Variants in SYNE1 observed in about 807,000 individuals in gnomAD.
SYNE1 encodes spectrin repeat containing nuclear envelope protein 1, also known as nesprin-1.
SYNE1 carries 616 observed loss-of-function variants against 1,111.0 expected under a neutral mutation model. The observed-to-expected ratio is 0.55, with a 90% CI of 0.52 to 0.59. The LOEUF (loss-of-function observed/expected upper bound fraction) is 0.59. Ranked by LOEUF, SYNE1 falls within the 20% of genes least tolerant of loss-of-function variation. SYNE1 has a pLI of 0.00. For missense variants in SYNE1, 10,006 were observed against 10,417.0 expected (o/e 0.96, Z 1.72); for synonymous variants, 3,855 against 3,825.8 (o/e 1.01, Z -0.28).
chr6:152,298,072 A>G (rs2094976786), intron 93 of SYNE1, among the ~76,000 whole-genome samples: 1 of 152,198 alleles, frequency 6.6e-6, no homozygotes, highest in Non-Finnish European at 1.5e-5. Context: ...TTATGAGTAG[A>G]TTCCTAAGGA....
intron 20 of SYNE1, chr6:152,462,523 A>G: frequency 1.6e-6 from 1 of 612,140 alleles, no homozygotes; most frequent in South Asian, 2.2e-5. Flanking sequence ...AAATCTCCAA[A>G]CTGAGAAACA....
intron 4 of SYNE1, among the ~76,000 whole-genome samples, chr6:152,530,902 C>T (rs1412211224): frequency 2.0e-5 from 3 of 152,088 alleles, no homozygotes; most frequent in Non-Finnish European, 2.9e-5. Flanking sequence ...GGATTACAGG[C>T]GTGAGCCACC....
chr6:152,271,794 G>A (rs1214668141), intron 98 of SYNE1, among the ~76,000 whole-genome samples: 2 of 152,222 alleles, frequency 1.3e-5, no homozygotes, highest in African/African-American at 4.8e-5. Context: ...CCCCATCAGA[G>A]CTGCTCCAGC....
At chr6:152,529,530 T>G (rs2099185618) in intron 4 of SYNE1, among the ~76,000 whole-genome samples, 1 of 152,178 alleles carries the variant, frequency 6.6e-6, no homozygotes, top group African/African-American at 2.4e-5. Context: ...GTCAGTGTGT[T>G]GGGGGCTCCC....
At chr6:152,168,176 A>G in intron 130 of SYNE1, 1 of 774,234 alleles carries the variant, frequency 1.3e-6, no homozygotes, top group Non-Finnish European at 2.4e-6. Context: ...TGCCATCCTC[A>G]GGGCACTCAG....
Position 152,428,829 on chromosome 6 carries a change from G to T in SYNE1, c.4789-437C>A, listed in dbSNP as rs145426565. Among the ~76,000 whole-genome samples, 398 of 152,110 alleles carry T rather than the reference G, an allele frequency of 2.6e-3. 4 individuals are homozygous for T. The highest frequency in any genetic ancestry group is 0.023 in the East Asian group (118 of 5,168). On this transcript the variant is annotated intron_variant, in intron 36 of 145. Coordinates refer to ENST00000367255, the MANE Select transcript of SYNE1 (RefSeq NM_182961.4). ...GACATAGTGAAAATGAGAAGAAAGT[G>T]ACTTCATAAATACAGAAATCAAAAA...
At chr6:152,400,590 G>A (rs2097797165) in intron 47 of SYNE1, among the ~76,000 whole-genome samples, 1 of 152,122 alleles carries the variant, frequency 6.6e-6, no homozygotes, top group Non-Finnish European at 1.5e-5. Context: ...TTCAACCTGG[G>A]AGGGGAGGTT....
In SYNE1 at chr6:152,359,272, A is replaced by C. The variant is rs781255165; in HGVS notation, c.10443+43T>G. 1.7e-5 allele frequency: 27 copies of C among 1,612,248 alleles called. No individual in the cohort carries two copies. The East Asian group carries it at 5.3e-4, about 32-fold the overall frequency. ...TCTTTAAAGGAGCACAGCTCCAAAC[A>C]CTCCCCTTTTGGTGAGTCTACAAGG... On this transcript the variant is annotated intron_variant, in intron 65 of 145. Transcript: ENST00000367255.
intron 127 of SYNE1, among the ~76,000 whole-genome samples, chr6:152,197,265 G>A (rs938910890): frequency 1.3e-5 from 2 of 152,164 alleles, no homozygotes; most frequent in African/African-American, 4.8e-5. Context: ...TTATGAAGGC[G>A]CTTTCTTATG....
At chr6:152,302,301 A>G in intron 91 of SYNE1, 2 of 595,840 alleles carry the variant, frequency 3.4e-6, no homozygotes, top group Non-Finnish European at 6.0e-6. Flanking sequence ...TCGGTACAAA[A>G]GGAGAAATGA....
intron 12 of SYNE1, 47 bp downstream of exon 12, chr6:152,488,349 G>GTCAAAAATAGCTTTTGAAAAAT (rs2098952221): frequency 9.9e-7 from 1 of 1,014,214 alleles, no homozygotes; most frequent in South Asian, 1.3e-5. Context: ...ATAAATATTA[G>GTCAAAAATAGCTTTTGAAAAAT]TCAAAAATAG....
Position 152,203,337 on chromosome 6 carries a change from C to T in SYNE1, c.23020-1388G>A, listed in dbSNP as rs145214791. On this transcript the variant is annotated intron_variant, in intron 126 of 145. Coordinates refer to ENST00000367255, the MANE Select transcript of SYNE1 (RefSeq NM_182961.4). ...CCTTATCTACACATTAACTCCTATC[C>T]GGTGTCTTAGTGCCAGTGAAAATTA... 4.7e-3 allele frequency among the ~76,000 whole-genome samples: 708 copies of T among 152,234 alleles called. 2 individuals carry two copies. Among genetic ancestry groups the T allele is most frequent in the Non-Finnish European group, 8.0e-3 (545 of 68,006 alleles).
intron 91 of SYNE1, among the ~76,000 whole-genome samples, chr6:152,306,697 G>A (rs1333558672): frequency 1.4e-5 from 2 of 144,942 alleles, no homozygotes; most frequent in African/African-American, 5.0e-5. Context: ...ATAACATGGC[G>A]AAACTCTGTC....
chr6:152,188,984 A>AATATATATATATAC (rs2071318917), intron 128 of SYNE1, among the ~76,000 whole-genome samples: 1 of 22,998 alleles, frequency 4.3e-5, no homozygotes, highest in Admixed American at 1.1e-3. Flanking sequence ...AAAAAAAAAA[A>AATATATATATATAC]ATATATATAT....
At chr6:152,202,064 T>C in intron 126 of SYNE1, 115 bp from the exon 127 acceptor site, 3 of 1,335,488 alleles carry the variant, frequency 2.2e-6, no homozygotes, top group Non-Finnish European at 3.1e-6. Flanking sequence ...GTTACACTGA[T>C]GGCTGAGTGT....
intron 115 of SYNE1, among the ~76,000 whole-genome samples, chr6:152,229,099 C>T (rs374256202): frequency 6.6e-6 from 1 of 152,046 alleles, no homozygotes; most frequent in Non-Finnish European, 1.5e-5. Context: ...TTATATGTGT[C>T]CCAAACAGAA....
rs34905593 is a variant in SYNE1, at chr6:152,233,922, T to A, written c.20571A>T (p.Ser6857=). The change falls in exon 112 of 146, where the codon TCA becomes TCT. Residue 6857 remains serine, a synonymous_variant. Transcript: ENST00000367255. ...KEVDAQSSLK[S]SVLSTGNQLL... ...GCTGATTTCCAGTACTCAGAACAGA[T>A]GATTTCAGGGAAGATTGGGCATCCA... The A allele has an allele frequency of 0.022, 35,226 of 1,614,078 alleles. 461 individuals carry two copies. The highest frequency in any genetic ancestry group is 0.031 in the Middle Eastern group (186 of 6,062).
At chr6:152,346,995 C>A (rs940147883) in intron 73 of SYNE1, 64 bp downstream of exon 73, 1 of 1,589,472 alleles carries the variant, frequency 6.3e-7, no homozygotes, top group Non-Finnish European at 8.6e-7. Flanking sequence ...TGTAAAAAGT[C>A]TCTAGACTGC....
At position 152,224,523 on chromosome 6, in the gene SYNE1, C is replaced by A. The variant is rs150723622; in HGVS notation, c.21493G>T (p.Ala7165Ser). The change falls in exon 117 of 146, where the codon GCT becomes TCT. Residue 7165 changes from alanine (A) to serine (S), a missense_variant. Around this residue, in one of 7 missense-constraint regions of SYNE1, gnomAD observed 2,182 missense variants for 2,287.8 expected, o/e 0.95. Coordinates refer to ENST00000367255, the MANE Select transcript of SYNE1 (RefSeq NM_182961.4). ...AGATTGTCCACCTGAACTTGCACAG[C>A]TTCTAAGGAGCCAGTCAGCAGACGG... is the stretch of plus-strand genomic sequence containing the variant. ...RFRLLTGSLE[A>S]VQVQVDNLQN... 18 of 1,613,936 alleles carry A rather than the reference C, an allele frequency of 1.1e-5. No homozygotes were observed. The African/African-American group carries it at 2.4e-4, about 22-fold the overall frequency.
Sources: allele counts gnomAD v4.1 joint callset (sites outside exome capture counted in the v4.1 genomes callset), GRCh38; gene constraint gnomAD v4.1.1; regional missense constraint gnomAD v4.1.1; transcripts MANE v1.5; gene names NCBI Gene and HGNC (gene_info 2026-07-23, HGNC 2026-07-21).